The following CUX1 variants were observed in gnomAD, a reference collection of about 807,000 sequenced individuals.
The protein encoded by CUX1 is protein CASP.
In CUX1, 31 loss-of-function variants were observed where a neutral mutation model predicts 158.8. The ratio of observed to expected loss-of-function variants is 0.20; its 90% confidence interval spans 0.15 to 0.26. CUX1 has a LOEUF of 0.26. Ranked by LOEUF, CUX1 falls within the 10% of genes least tolerant of loss-of-function variation. The pLI is 1.00. For missense variants in CUX1, 1,589 were observed against 2,014.6 expected, an observed-to-expected ratio of 0.79 and a Z score of 4.04; for synonymous variants, 879 against 862.1, an observed-to-expected ratio of 1.02 and a Z score of -0.34.
exon 23 of CUX1, chr7:102,283,105 C>T (rs781868562): frequency 6.2e-7 from 1 of 1,610,884 alleles, no homozygotes; most frequent in Admixed American, 1.7e-5. Context: ...CCGGGGCCTC[C>T]CCCGTGACAG....
intron 9 of CUX1, among the ~76,000 whole-genome samples, chr7:102,168,924 TTTTCTTTTA>T (rs1282644136): frequency 7.2e-5 from 3 of 41,712 alleles, no homozygotes; most frequent in Non-Finnish European, 9.9e-5. Flanking sequence ...TTTTCTTTTC[TTTTCTTTTA>T]TTTTCTTTTT....
chr7:102,271,653 C>T (rs1331299218), intron 14 of CUX1, among the ~76,000 whole-genome samples: 1 of 152,238 alleles, frequency 6.6e-6, no homozygotes, highest in Non-Finnish European at 1.5e-5. Context: ...CAGGTCCTGC[C>T]TCTTCCCTCA....
intron 2 of CUX1, among the ~76,000 whole-genome samples, chr7:102,012,132 C>G (rs1164004861): frequency 1.3e-5 from 2 of 152,268 alleles, no homozygotes; most frequent in East Asian, 3.9e-4. Flanking sequence ...TAAACATAGT[C>G]TGCCATATTG....
At chr7:102,076,658 G>A (rs1158587039) in intron 4 of CUX1, among the ~76,000 whole-genome samples, 1 of 152,130 alleles carries the variant, frequency 6.6e-6, no homozygotes, top group African/African-American at 2.4e-5. Context: ...GAACCAGGCT[G>A]AGCCCCAGGG....
intron 9 of CUX1, among the ~76,000 whole-genome samples, chr7:102,165,516 C>A (rs1315333179): frequency 6.6e-6 from 1 of 151,958 alleles, no homozygotes; most frequent in Non-Finnish European, 1.5e-5. Context: ...AGGTGCACAC[C>A]CCCACGCCCA....
At chr7:102,141,945 C>T (rs1333864724) in intron 8 of CUX1, among the ~76,000 whole-genome samples, 2 of 151,876 alleles carry the variant, frequency 1.3e-5, no homozygotes, top group Non-Finnish European at 2.9e-5. Flanking sequence ...CTGGTCCCAA[C>T]CTTTCCTTAA....
At chr7:102,094,802 A>G (rs563724536) in intron 4 of CUX1, among the ~76,000 whole-genome samples, 2 of 152,318 alleles carry the variant, frequency 1.3e-5, no homozygotes, top group South Asian at 4.1e-4. Context: ...GAGGCTGTGA[A>G]CGGGCTGTTC....
chr7:102,208,288 G>A (rs1796152409), intron 20 of CUX1, among the ~76,000 whole-genome samples: 1 of 152,114 alleles, frequency 6.6e-6, no homozygotes, highest in South Asian at 2.1e-4. Flanking sequence ...CTGTCGCCTA[G>A]GCTGGAGTGC....
intron 8 of CUX1, among the ~76,000 whole-genome samples, chr7:102,116,446 CT>C (rs1296053892): frequency 7.2e-5 from 11 of 152,112 alleles, no homozygotes; most frequent in African/African-American, 2.7e-4. Flanking sequence ...CTTACTTGCA[CT>C]AAGTAGGTTG....
chr7:102,210,510 G>A (rs1050955612), intron 20 of CUX1, among the ~76,000 whole-genome samples: 2 of 152,120 alleles, frequency 1.3e-5, no homozygotes, highest in Admixed American at 6.5e-5. Context: ...CACCATACCC[G>A]GCCACTTTGT....
chr7:101,847,639 T>G (rs1363672506), intron 1 of CUX1, among the ~76,000 whole-genome samples: 3 of 152,094 alleles, frequency 2.0e-5, no homozygotes, highest in Non-Finnish European at 4.4e-5. Flanking sequence ...AGATGGGGTC[T>G]TGCTGTGTTG....
intron 21 of CUX1, among the ~76,000 whole-genome samples, chr7:102,233,803 TAAAGAG>T: frequency 6.6e-6 from 1 of 151,872 alleles, no homozygotes; most frequent in East Asian, 1.9e-4. Flanking sequence ...ATAATAATAA[TAAAGAG>T]AAATGTCATT....
chr7:102,202,036 C>G lies in CUX1; in HGVS notation c.2739C>G (p.Ser913=). 2 of 1,614,156 alleles carry G rather than the reference C, an allele frequency of 1.2e-6. No individual in the cohort carries two copies. Among genetic ancestry groups the G allele is most frequent in the African/African-American group, 1.3e-5 (1 of 75,042 alleles). ...SETPQNSPLP[S]SPIVPMSKPT... is the part of the protein sequence containing the mutation. Reference sequence around the variant, plus strand: ...CACCACAGAACAGCCCCCTGCCATCCTCCCCGATCGTGCCCATGTCCAAGC... The same window carrying G: ...CACCACAGAACAGCCCCCTGCCATCGTCCCCGATCGTGCCCATGTCCAAGC... Residue 913 remains serine, a synonymous_variant, in exon 18 of 24, where the codon TCC becomes TCG. Coordinates refer to ENST00000292535, the MANE Select transcript of CUX1 (RefSeq NM_181552.4).
chr7:102,267,827 C>T (rs990866396), intron 14 of CUX1, among the ~76,000 whole-genome samples: 10 of 152,086 alleles, frequency 6.6e-5, no homozygotes, highest in East Asian at 1.9e-4. Context: ...CCACCATGCC[C>T]GGCTAAGTTT....
At chr7:102,130,634 T>A (rs1444256410) in intron 8 of CUX1, among the ~76,000 whole-genome samples, 1 of 151,934 alleles carries the variant, frequency 6.6e-6, no homozygotes, top group African/African-American at 2.4e-5. Flanking sequence ...TGAGCTGAAA[T>A]CACGCCACTG....
At chr7:101,835,732 TTTTA>T (rs1378155645) in intron 1 of CUX1, among the ~76,000 whole-genome samples, 2 of 152,152 alleles carry the variant, frequency 1.3e-5, no homozygotes, top group African/African-American at 4.8e-5. Flanking sequence ...CTTTTAGTTA[TTTTA>T]TTTGTTTGTT....
intron 11 of CUX1, among the ~76,000 whole-genome samples, chr7:102,186,495 A>G (rs1049844668): frequency 1.3e-5 from 2 of 152,148 alleles, no homozygotes; most frequent in Admixed American, 1.3e-4. Context: ...TCACTTAACA[A>G]TGAGGCTGTG....
chr7:102,277,982 C>T (rs782170506), exon 18 of CUX1: 1 of 1,597,288 alleles, frequency 6.3e-7, no homozygotes, highest in Non-Finnish European at 8.5e-7. Context: ...CCTCCAGGCC[C>T]TGCAGAGTGA....
At chr7:102,280,570 A>C (rs565813080) in intron 19 of CUX1, among the ~76,000 whole-genome samples, 2 of 152,206 alleles carry the variant, frequency 1.3e-5, no homozygotes, top group East Asian at 3.9e-4. Flanking sequence ...CATGGGCAGA[A>C]TGGACGGCTG....
Sources: gnomAD v4.1 joint callset for allele counts (sites outside exome capture counted in the v4.1 genomes callset) on GRCh38, gnomAD v4.1.1 for gene constraint, MANE v1.5 for transcripts, NCBI Gene and HGNC (gene_info 2026-07-23, HGNC 2026-07-21) for gene names.